The following METTL15 variants were observed in gnomAD, a reference collection of about 807,000 sequenced individuals.
METTL15 encodes 12S rRNA N(4)-cytidine methyltransferase METTL15.
A neutral mutation model predicts 38.3 loss-of-function variants in METTL15; 34 were observed. The observed-to-expected ratio is 0.89, with a 90% CI of 0.68 to 1.18. The LOEUF is 1.18. Among genes scored for constraint, METTL15 ranks in the 50% most tolerant of loss-of-function variants. METTL15 has a pLI of 0.00. For missense variants in METTL15, 438 were observed against 498.4 expected (o/e 0.88, Z 1.15); for synonymous variants, 162 against 170.9 (o/e 0.95, Z 0.41).
downstream of METTL15, among the ~76,000 whole-genome samples, chr11:28,336,011 T>G (rs964297624): frequency 6.7e-6 from 1 of 149,318 alleles, no homozygotes; most frequent in Non-Finnish European, 1.5e-5. Context: ...GGAAAAGATT[T>G]ACCAAAATCT....
chr11:28,338,514 A>G (rs1260173073), intron 3 of METTL15, among the ~76,000 whole-genome samples: 2 of 151,986 alleles, frequency 1.3e-5, no homozygotes, highest in African/African-American at 2.4e-5. Context: ...TGATTCTTTC[A>G]CGGAATCATC....
chr11:28,347,765 G>A (rs987764204), intron 3 of METTL15, among the ~76,000 whole-genome samples: 1 of 152,150 alleles, frequency 6.6e-6, no homozygotes, highest in Non-Finnish European at 1.5e-5. Context: ...TGTCTCCTGT[G>A]CCTAGAATGA....
intron 3 of METTL15, among the ~76,000 whole-genome samples, chr11:28,176,959 T>C (rs1031297422): frequency 1.1e-4 from 16 of 152,206 alleles, no homozygotes; most frequent in African/African-American, 3.8e-4. Flanking sequence ...TCAATAATAT[T>C]TTCAAAATTG....
chr11:28,450,547 G>A (rs192500469), intron 6 of METTL15, among the ~76,000 whole-genome samples: 34 of 152,248 alleles, frequency 2.2e-4, no homozygotes, highest in East Asian at 7.7e-4. Flanking sequence ...TGGTAGTAGC[G>A]GTAGCAGAAG....
chr11:28,168,759 T>C (rs1467037434), intron 3 of METTL15, among the ~76,000 whole-genome samples: 1 of 152,118 alleles, frequency 6.6e-6, no homozygotes, highest in African/African-American at 2.4e-5. Context: ...TGTGGAATGT[T>C]AGTGCATTCC....
intron 4 of METTL15, among the ~76,000 whole-genome samples, chr11:28,278,246 G>A (rs530067191): frequency 6.6e-6 from 1 of 152,188 alleles, no homozygotes; most frequent in African/African-American, 2.4e-5. Context: ...TTTAAGCACA[G>A]AGGAAGTAGA....
intron 3 of METTL15, among the ~76,000 whole-genome samples, chr11:28,172,569 CA>C (rs1850897746): frequency 6.6e-6 from 1 of 152,122 alleles, no homozygotes; most frequent in Non-Finnish European, 1.5e-5. Context: ...ACCGTTTTAG[CA>C]CTCTACTAAC....
At chr11:28,399,519 A>C (rs1308495512) in intron 5 of METTL15, among the ~76,000 whole-genome samples, 1 of 151,888 alleles carries the variant, frequency 6.6e-6, no homozygotes, top group Non-Finnish European at 1.5e-5. Flanking sequence ...TTTCAAGAGG[A>C]TTTTTAAACA....
intron 3 of METTL15, among the ~76,000 whole-genome samples, chr11:28,154,692 ACTCT>A (rs1374259682): frequency 6.6e-6 from 1 of 152,096 alleles, no homozygotes; most frequent in Non-Finnish European, 1.5e-5. Flanking sequence ...AATAATAAGA[ACTCT>A]CTCATACAAG....
At chr11:28,503,512 G>C (rs922444577) in intron 6 of METTL15, among the ~76,000 whole-genome samples, 2 of 152,198 alleles carry the variant, frequency 1.3e-5, no homozygotes, top group Admixed American at 6.5e-5. Flanking sequence ...TCAGACCCAG[G>C]CTGGGTGTGG....
chr11:28,371,366 A>C (rs1189843383), intron 5 of METTL15, among the ~76,000 whole-genome samples: 1 of 151,964 alleles, frequency 6.6e-6, no homozygotes, highest in African/African-American at 2.4e-5. Context: ...TGGGATACCT[A>C]TTCTATTCCT....
intron 5 of METTL15, among the ~76,000 whole-genome samples, chr11:28,293,876 G>A (rs1219913252): frequency 2.0e-5 from 3 of 151,954 alleles, no homozygotes; most frequent in East Asian, 3.9e-4. Flanking sequence ...TTGGTGTATA[G>A]GAATGCTTGT....
rs1003854415 is a variant in METTL15, at chr11:28,253,850, A to T, written c.408-36356A>T. On this transcript the variant is annotated intron_variant, in intron 4 of 6. Transcript: ENST00000407364. Reference sequence around the variant, plus strand: ...ATGGCTAAATAGTACTCCATTGTGTATAAGTACCACATTTTCTTTATCCAT... The same window carrying T: ...ATGGCTAAATAGTACTCCATTGTGTTTAAGTACCACATTTTCTTTATCCAT... 4.6e-5 allele frequency among the ~76,000 whole-genome samples: 7 copies of T among 152,126 alleles called. 1 individual carries two copies. The highest frequency in any genetic ancestry group is 1.4e-4 in the African/African-American group (6 of 41,414).
At chr11:28,265,550 AT>A (rs1477789645) in intron 4 of METTL15, among the ~76,000 whole-genome samples, 1 of 151,950 alleles carries the variant, frequency 6.6e-6, no homozygotes, top group Non-Finnish European at 1.5e-5. Flanking sequence ...GAATATTATT[AT>A]TTTTATAATT....
intron 3 of METTL15, among the ~76,000 whole-genome samples, chr11:28,137,197 C>T (rs1305143033): frequency 2.0e-5 from 3 of 152,046 alleles, no homozygotes; most frequent in East Asian, 1.9e-4. Context: ...ATGGAAAGAC[C>T]GTATAATACC....
intron 3 of METTL15, among the ~76,000 whole-genome samples, chr11:28,342,697 G>C (rs1040135529): frequency 3.9e-5 from 6 of 152,056 alleles, no homozygotes; most frequent in African/African-American, 1.4e-4. Context: ...GACTTTTAAG[G>C]CTTCTTTCAT....
intron 6 of METTL15, among the ~76,000 whole-genome samples, chr11:28,424,999 G>C (rs1169750351): frequency 6.6e-6 from 1 of 152,156 alleles, no homozygotes; most frequent in African/African-American, 2.4e-5. Context: ...TCTATACAGA[G>C]CATGGAAATA....
At chr11:28,281,870 G>T (rs1040309958) in intron 4 of METTL15, among the ~76,000 whole-genome samples, 2 of 152,136 alleles carry the variant, frequency 1.3e-5, no homozygotes, top group African/African-American at 2.4e-5. Context: ...AAAGGTTTGG[G>T]ACCTGCTAGA....
chr11:28,133,905 T>C (rs1428407984), intron 3 of METTL15, among the ~76,000 whole-genome samples: 1 of 152,180 alleles, frequency 6.6e-6, no homozygotes. Context: ...AGGGTAATTT[T>C]TTATGCAGGA....
Sources: gnomAD v4.1 joint callset for allele counts (sites outside exome capture counted in the v4.1 genomes callset) on GRCh38, gnomAD v4.1.1 for gene constraint, MANE v1.5 for transcripts, NCBI Gene and HGNC (gene_info 2026-07-23, HGNC 2026-07-21) for gene names.